The following LZTFL1 variants were observed in gnomAD, a reference collection of about 807,000 sequenced individuals.
The protein encoded by LZTFL1 is leucine zipper transcription factor-like protein 1.
In LZTFL1, 25 loss-of-function variants were observed where a neutral mutation model predicts 45.9. The observed-to-expected ratio is 0.54, with a 90% CI of 0.40 to 0.76. The LOEUF (loss-of-function observed/expected upper bound fraction) is 0.76, where lower values mean the gene tolerates loss of function less well. Ranked by LOEUF, LZTFL1 falls within the 30% of genes least tolerant of loss-of-function variation. The pLI is 0.00. For synonymous variants in LZTFL1, 93 were observed against 117.4 expected (o/e 0.79, Z 1.35); for missense variants, 277 against 331.1 (o/e 0.84, Z 1.27).
At position 45,823,686 on chromosome 3, in the gene LZTFL1, T is replaced by A. The variant is rs1226308563; in HGVS notation, c.*2628A>T. 6.6e-6 allele frequency: 1 copy of A among 152,258 alleles called. No homozygotes were observed. The highest frequency in any genetic ancestry group is 1.5e-5 in the Non-Finnish European group (1 of 68,046). The allele number at this position is 152,258 out of a possible 1,614,324, so 9.4% of individuals were successfully genotyped here. A position where few individuals can be genotyped will look rare whatever the true frequency, so the allele number is the denominator to read the frequency against. On this transcript the variant is annotated 3_prime_UTR_variant, in exon 10 of 10. Transcript: ENST00000296135. ...TGTTTTGTCTAAATGTGAAATATCA[T>A]TTTGCTGAAATAGCTTTTCTTTCTG...
At chr3:45,910,314 G>C (rs1702769111) in intron 2 of LZTFL1, among the ~76,000 whole-genome samples, 1 of 152,120 alleles carries the variant, frequency 6.6e-6, no homozygotes, top group South Asian at 2.1e-4. Context: ...ACTTACTCTG[G>C]GGGTAGACAC....
At chr3:45,872,959 G>A (rs1002109405) in intron 2 of LZTFL1, among the ~76,000 whole-genome samples, 2 of 152,156 alleles carry the variant, frequency 1.3e-5, no homozygotes, top group Non-Finnish European at 2.9e-5. Flanking sequence ...TGAGGGCCAG[G>A]GCCAAGATAA....
chr3:45,913,587 C>T (rs190785708), intron 1 of LZTFL1, among the ~76,000 whole-genome samples: 1 of 152,204 alleles, frequency 6.6e-6, no homozygotes, highest in East Asian at 1.9e-4. Flanking sequence ...TCATGTAATA[C>T]AAAAATATCT....
At chr3:45,884,938 A>T (rs1468190644) in intron 2 of LZTFL1, among the ~76,000 whole-genome samples, 2 of 152,062 alleles carry the variant, frequency 1.3e-5, no homozygotes, top group Non-Finnish European at 2.9e-5. Context: ...TTCAGACACC[A>T]TTTATTTGCA....
At chr3:45,912,296 T>A (rs1354136943) in intron 2 of LZTFL1, among the ~76,000 whole-genome samples, 1 of 152,170 alleles carries the variant, frequency 6.6e-6, no homozygotes, top group Non-Finnish European at 1.5e-5. Context: ...GAAGGGAAGA[T>A]TATAGACTCT....
At chr3:45,881,379 A>G (rs1442759067) in intron 2 of LZTFL1, among the ~76,000 whole-genome samples, 1 of 152,082 alleles carries the variant, frequency 6.6e-6, no homozygotes, top group Non-Finnish European at 1.5e-5. Flanking sequence ...ACAGCCTCCA[A>G]CTGGTTTTGT....
intron 2 of LZTFL1, among the ~76,000 whole-genome samples, chr3:45,874,882 G>A (rs1387156016): frequency 6.6e-6 from 1 of 152,178 alleles, no homozygotes; most frequent in Non-Finnish European, 1.5e-5. Flanking sequence ...GCCAGCTGGT[G>A]GATGGGAGGC....
chr3:45,884,403 C>T (rs964886626), intron 2 of LZTFL1, among the ~76,000 whole-genome samples: 2 of 152,138 alleles, frequency 1.3e-5, no homozygotes, highest in African/African-American at 4.8e-5. Flanking sequence ...TCCCTTCTCC[C>T]CAGCCTCATG....
At chr3:45,895,077 CTG>C in intron 2 of LZTFL1, 1 of 1,074,580 alleles carries the variant, frequency 9.3e-7, no homozygotes, top group Non-Finnish European at 1.4e-6. Flanking sequence ...GGTAAGATCT[CTG>C]CCTGGCAATG....
intron 2 of LZTFL1, among the ~76,000 whole-genome samples, chr3:45,909,848 T>C (rs1296108402): frequency 6.6e-6 from 1 of 152,204 alleles, no homozygotes; most frequent in Non-Finnish European, 1.5e-5. Flanking sequence ...CTTGTTCAAC[T>C]TTTGGAAACC....
chr3:45,850,201 T>C (rs1376496938), intron 4 of LZTFL1, among the ~76,000 whole-genome samples: 1 of 152,260 alleles, frequency 6.6e-6, no homozygotes, highest in Non-Finnish European at 1.5e-5. Context: ...ACATGTTTCA[T>C]GTCTAACATG....
In LZTFL1 at chr3:45,914,781, G is replaced by C. The variant is rs565136231; in HGVS notation, c.-273+640C>G. The stretch of plus-strand genomic sequence containing the variant: ...CAAAGAAGATGGGGGCCTGATCCAG[G>C]ACCAGTTCTGGTCTCCTTGTCCTTC... On this transcript the variant is annotated intron_variant, in intron 1 of 4. Transcript: ENST00000472635. Among the ~76,000 whole-genome samples the C allele has an allele frequency of 5.9e-5, 9 of 152,298 alleles. No homozygotes were observed. In the South Asian group the frequency reaches 1.9e-3, roughly 32 times the overall value.
intron 4 of LZTFL1, among the ~76,000 whole-genome samples, chr3:45,833,867 A>G (rs1377059558): frequency 6.6e-6 from 1 of 152,204 alleles, no homozygotes; most frequent in African/African-American, 2.4e-5. Context: ...AATGAAGCTC[A>G]GCTACCTCAG....
At chr3:45,888,009 T>C (rs547464713) in intron 2 of LZTFL1, among the ~76,000 whole-genome samples, 18 of 152,396 alleles carry the variant, frequency 1.2e-4, no homozygotes, top group African/African-American at 4.3e-4. Context: ...TCAGAGGCTA[T>C]AAGTGTGGGG....
intron 2 of LZTFL1, among the ~76,000 whole-genome samples, chr3:45,860,437 G>A (rs1701466487): frequency 6.7e-6 from 1 of 149,698 alleles, no homozygotes; most frequent in Admixed American, 6.8e-5. Context: ...TAATTCAGAT[G>A]GTGGATGGAC....
upstream of LZTFL1, among the ~76,000 whole-genome samples, chr3:45,843,358 T>C (rs188438201): frequency 2.0e-5 from 3 of 152,362 alleles, no homozygotes; most frequent in African/African-American, 7.2e-5. Flanking sequence ...ATCCTCATAA[T>C]ACGTGGTTCT....
chr3:45,906,524 G>A (rs978654937), intron 2 of LZTFL1, among the ~76,000 whole-genome samples: 4 of 152,216 alleles, frequency 2.6e-5, no homozygotes, highest in Non-Finnish European at 5.9e-5. Context: ...AAGATGGACA[G>A]GCACGAGTTT....
chr3:45,853,360 C>T (rs1701335789), intron 4 of LZTFL1, among the ~76,000 whole-genome samples: 1 of 152,182 alleles, frequency 6.6e-6, no homozygotes, highest in Admixed American at 6.5e-5. Context: ...CTAGGGGAAA[C>T]ATCTTTTTTT....
At chr3:45,860,589 T>C (rs1487752545) in intron 2 of LZTFL1, among the ~76,000 whole-genome samples, 1 of 152,184 alleles carries the variant, frequency 6.6e-6, no homozygotes, top group Non-Finnish European at 1.5e-5. Flanking sequence ...TTGCCTGAAA[T>C]TAATCTCATT....
Sources: gnomAD v4.1 joint callset for allele counts (sites outside exome capture counted in the v4.1 genomes callset) on GRCh38, gnomAD v4.1.1 for gene constraint, MANE v1.5 for transcripts, NCBI Gene and HGNC (gene_info 2026-07-23, HGNC 2026-07-21) for gene names.